The following LTBP2 variants were observed in gnomAD, a reference collection of about 807,000 sequenced individuals.
LTBP2 encodes the protein latent transforming growth factor beta binding protein 2, also known as latent-transforming growth factor beta-binding protein 2.
Under a neutral mutation model 210.6 loss-of-function variants are expected in LTBP2, and 103 were observed. The observed-to-expected ratio is 0.49, with a 90% CI of 0.42 to 0.58. LTBP2 has a LOEUF of 0.58. LTBP2 is among the 20% of genes least tolerant of loss of function. LTBP2 has a pLI of 0.00. For missense variants in LTBP2, 2,313 were observed against 2,494.5 expected, an observed-to-expected ratio of 0.93 and a Z score of 1.55; for synonymous variants, 1,007 against 1,015.0, an observed-to-expected ratio of 0.99 and a Z score of 0.15.
intron 2 of LTBP2, among the ~76,000 whole-genome samples, chr14:74,602,982 G>A (rs958806847): frequency 4.6e-5 from 7 of 152,246 alleles, no homozygotes; most frequent in Non-Finnish European, 8.8e-5. Context: ...GGCCAGGCAT[G>A]TTCTGCAGAA....
At chr14:74,526,553 A>G (rs1375773726) in intron 13 of LTBP2, among the ~76,000 whole-genome samples, 1 of 152,140 alleles carries the variant, frequency 6.6e-6, no homozygotes, top group African/African-American at 2.4e-5. Flanking sequence ...CAGTGGACAG[A>G]ATTTGCTGAG....
intron 3 of LTBP2, among the ~76,000 whole-genome samples, chr14:74,564,077 ATATATATATTTATATATATATT>A (rs2087837118): frequency 3.0e-5 from 1 of 33,596 alleles, no homozygotes; most frequent in East Asian, 5.9e-4. Context: ...ATATATATTT[ATATATATATTTATATATATATT>A]TATATATATA....
intron 1 of LTBP2, among the ~76,000 whole-genome samples, chr14:74,604,745 C>T (rs1386698262): frequency 6.6e-6 from 1 of 152,142 alleles, no homozygotes; most frequent in Non-Finnish European, 1.5e-5. Context: ...CCCACCTCGG[C>T]CTCCCAAAGT....
At chr14:74,578,890 T>C (rs1415491649) in intron 3 of LTBP2, among the ~76,000 whole-genome samples, 1 of 152,184 alleles carries the variant, frequency 6.6e-6, no homozygotes, top group Non-Finnish European at 1.5e-5. Flanking sequence ...AGTTTTGCTC[T>C]TGTTGCCCAG....
chr14:74,570,778 G>A (rs1230428077), intron 3 of LTBP2, among the ~76,000 whole-genome samples: 1 of 152,150 alleles, frequency 6.6e-6, no homozygotes, highest in Non-Finnish European at 1.5e-5. Context: ...GGGTCTTCAG[G>A]CTGAGCTCTG....
intron 27 of LTBP2, 24 bp downstream of exon 27, chr14:74,506,674 T>C (rs201117441): frequency 1.9e-6 from 3 of 1,612,008 alleles, no homozygotes; most frequent in African/African-American, 2.7e-5. Flanking sequence ...GGCCCAGACC[T>C]TGGGTAGCCC....
chr14:74,532,146 G>GA (rs886683702), intron 10 of LTBP2, among the ~76,000 whole-genome samples: 10 of 151,458 alleles, frequency 6.6e-5, no homozygotes, highest in Non-Finnish European at 1.5e-4. Context: ...GATTAGAAAG[G>GA]AAAAAAAATA....
Position 74,551,267 on chromosome 14 carries a change from G to A in LTBP2, c.1483C>T (p.Arg495Trp), listed in dbSNP as rs149896044. 19 of 1,609,070 alleles carry A rather than the reference G, an allele frequency of 1.2e-5. No individual in the cohort carries two copies. The highest frequency in any genetic ancestry group is 8.0e-5 in the African/African-American group (6 of 74,862). Residue 495 changes from arginine to tryptophan, a missense_variant, in exon 7 of 36, where the codon CGG (arginine) becomes TGG (tryptophan). Arg to Trp is a moderately radical substitution (Grantham distance 101, BLOSUM62 -3). Coordinates refer to ENST00000261978, the MANE Select transcript of LTBP2 (RefSeq NM_000428.3). ...SVQIHQVAQVRGGVEEALVEN... is the reference protein window; with the variant it reads ...SVQIHQVAQVWGGVEEALVEN... ...ACTAGGGCCTCCTCCACCCCGCCCC[G>A]CACCTGGGCCACCTGGTGGATCTGC...
In LTBP2 at chr14:74,503,950, C is replaced by G. The variant is rs545992602; in HGVS notation, c.4558G>C (p.Asp1520His). The G allele has an allele frequency of 6.2e-7, 1 of 1,614,118 alleles. No homozygotes were observed. Among genetic ancestry groups the G allele is most frequent in the East Asian group, 2.2e-5 (1 of 44,876 alleles). Reference protein sequence around the residue: ...VCLCNPGFHYDASHKKCEDHD... With the variant: ...VCLCNPGFHYHASHKKCEDHD... Reference sequence around the variant, plus strand: ...CCCTCACACTTCTTGTGGGAAGCATCGTAGTGGAAGCCGGGATTGCACAGG... The same window carrying G: ...CCCTCACACTTCTTGTGGGAAGCATGGTAGTGGAAGCCGGGATTGCACAGG... Residue 1520 changes from aspartate (D) to histidine (H), a missense_variant, in exon 31 of 36, where the codon GAT (aspartate) becomes CAT (histidine). Transcript: ENST00000261978.
chr14:74,561,600 C>T (rs1255571000), intron 3 of LTBP2, among the ~76,000 whole-genome samples: 2 of 152,122 alleles, frequency 1.3e-5, no homozygotes, highest in African/African-American at 4.8e-5. Context: ...CTATTTTAAA[C>T]TTTATCATTT....
At chr14:74,608,856 G>A (rs2088566945) in intron 1 of LTBP2, among the ~76,000 whole-genome samples, 1 of 152,028 alleles carries the variant, frequency 6.6e-6, no homozygotes, top group African/African-American at 2.4e-5. Flanking sequence ...CTAGCATCAA[G>A]CCTGGCACAA....
chr14:74,552,782 G>C, intron 5 of LTBP2, 110 bp downstream of exon 5: 1 of 1,385,432 alleles, frequency 7.2e-7, no homozygotes, highest in East Asian at 2.5e-5. Flanking sequence ...GGGACAACTT[G>C]TGGAGCCACA....
chr14:74,529,394 G>C (rs2087321717), intron 10 of LTBP2, among the ~76,000 whole-genome samples: 1 of 152,246 alleles, frequency 6.6e-6, no homozygotes. Flanking sequence ...CAGGGAATGA[G>C]GATGCAGCTG....
Position 74,507,211 on chromosome 14 carries a change from C to T in LTBP2, c.3875G>A (p.Gly1292Asp). 6.2e-7 allele frequency: 1 copy of T among 1,614,190 alleles called. No individual in the cohort carries two copies. Among genetic ancestry groups the T allele is most frequent in the Non-Finnish European group, 8.5e-7 (1 of 1,180,012 alleles). ...GTCTCCGTTCGGGGCCATGTGGAAG[C>T]CAGGCTGGCAGCCCAGAACACAGCG... ...SYRCVLGCQP[G>D]FHMAPNGDCI... Residue 1292 changes from glycine to aspartate, a missense_variant, in exon 26 of 36, where the codon GGC (glycine) becomes GAC (aspartate). Physicochemically the swap from Gly to Asp is moderately conservative, Grantham distance 94 (BLOSUM62 -1). Coordinates refer to ENST00000261978, the MANE Select transcript of LTBP2 (RefSeq NM_000428.3).
At position 74,528,552 on chromosome 14, in the gene LTBP2, G is replaced by A; in HGVS notation, c.2299C>T (p.Pro767Ser). Residue 767 changes from proline (P) to serine (S), a missense_variant, in exon 12 of 36, where the codon CCA becomes TCA. Pro to Ser is a moderately conservative substitution (Grantham distance 74). This residue lies in a region of LTBP2 where 1,867 missense variants were observed against 1,976.9 expected (regional missense o/e 0.94). Transcript: ENST00000261978. Reference protein sequence around the residue: ...GQRSSGALPGPAERQPLRVVT... With the variant: ...GQRSSGALPGSAERQPLRVVT... Reference sequence around the variant, plus strand: ...ACCCGGAGGGGCTGCCTCTCTGCTGGCCCGGGCAGTGCCCCGCTGCTCCTC... The same window carrying A: ...ACCCGGAGGGGCTGCCTCTCTGCTGACCCGGGCAGTGCCCCGCTGCTCCTC... The A allele has an allele frequency of 6.2e-7, 1 of 1,613,088 alleles. No homozygotes were observed. Among genetic ancestry groups the A allele is most frequent in the Non-Finnish European group, 8.5e-7 (1 of 1,180,044 alleles).
At chr14:74,599,078 G>A (rs1259244001) in intron 2 of LTBP2, among the ~76,000 whole-genome samples, 1 of 152,186 alleles carries the variant, frequency 6.6e-6, no homozygotes, top group Non-Finnish European at 1.5e-5. Flanking sequence ...AAGAGCTATC[G>A]CGTTCATATC....
chr14:74,549,759 T>C, intron 8 of LTBP2, 104 bp downstream of exon 8: 1 of 951,104 alleles, frequency 1.1e-6, no homozygotes, highest in Non-Finnish European at 1.7e-6. Flanking sequence ...CAGCCTGTTC[T>C]ACCTGCCTGG....
intron 2 of LTBP2, among the ~76,000 whole-genome samples, chr14:74,597,118 G>A (rs763257036): frequency 6.6e-6 from 1 of 152,218 alleles, no homozygotes; most frequent in Non-Finnish European, 1.5e-5. Flanking sequence ...GAGCAGAGGA[G>A]AAGCAGCAGC....
At chr14:74,572,840 TC>T (rs1253087390) in intron 3 of LTBP2, among the ~76,000 whole-genome samples, 1 of 152,148 alleles carries the variant, frequency 6.6e-6, no homozygotes, top group Non-Finnish European at 1.5e-5. Flanking sequence ...GGGCGAACCT[TC>T]CCTGGGCCAT....
Sources: gnomAD v4.1 joint callset for allele counts (sites outside exome capture counted in the v4.1 genomes callset) on GRCh38, gnomAD v4.1.1 for gene constraint, gnomAD v4.1.1 regional missense constraint, MANE v1.5 for transcripts, NCBI Gene and HGNC (gene_info 2026-07-23, HGNC 2026-07-21) for gene names.